Variants in FCN1 observed in about 807,000 individuals in gnomAD.
FCN1 encodes ficolin-1.
FCN1 carries 42 observed loss-of-function variants against 35.6 expected under a neutral mutation model. The ratio of observed to expected loss-of-function variants is 1.18; its 90% CI spans 0.92 to 1.53. The LOEUF (loss-of-function observed/expected upper bound fraction) is 1.53, where lower values mean the gene tolerates loss of function less well. Ranked by LOEUF, FCN1 falls within the 40% of genes most tolerant of loss-of-function variation. FCN1 has a pLI of 0.00. For missense variants in FCN1, 439 were observed against 428.4 expected, an observed-to-expected ratio of 1.02 and a Z score of -0.22; for synonymous variants, 179 against 169.8, an observed-to-expected ratio of 1.05 and a Z score of -0.42.
chr9:134,903,550 G>A lies in FCN1; in HGVS notation c.*6248C>T, dbSNP rs1243060930. ...GGAAAAGTCACAGAGGAAACTCTTA[G>A]AACTGAACTAAAATAGGTGAATTTT... On this transcript the variant is annotated 3_prime_UTR_variant, in exon 9 of 9. Coordinates refer to ENST00000371806, the MANE Select transcript of FCN1 (RefSeq NM_002003.5). Among the ~76,000 whole-genome samples, 4 of 151,990 alleles carry A rather than the reference G, an allele frequency of 2.6e-5. No individual in the cohort carries two copies. The highest frequency in any genetic ancestry group is 9.7e-5 in the African/African-American group (4 of 41,388).
In FCN1 at chr9:134,911,139, T is replaced by C; in HGVS notation, c.727A>G (p.Ser243Gly). 1 of 1,614,102 alleles carries C rather than the reference T, an allele frequency of 6.2e-7. No homozygotes were observed. The highest frequency in any genetic ancestry group is 8.5e-7 in the Non-Finnish European group (1 of 1,179,992). ...KLVLGAFVGG[S>G]AGNSLTGHNN... ...GCCCCAAGCAGACACTCACCCGCAC[T>C]GCCCCCGACAAAGGCTCCCAGTACC... The change falls in exon 8 of 9, where the codon AGT becomes GGT. Residue 243 changes from serine to glycine, a missense_variant. Ser to Gly is a moderately conservative substitution (Grantham distance 56). Coordinates refer to ENST00000371806, the MANE Select transcript of FCN1 (RefSeq NM_002003.5).
intron 5 of FCN1, 25 bp from the exon 6 acceptor site, chr9:134,913,168 CTGCAGGACGGGGGCCCTG>C (rs775242138): frequency 3.1e-4 from 494 of 1,612,764 alleles, no homozygotes; most frequent in Non-Finnish European, 4.0e-4. Context: ...CGGGGAATGG[CTGCAGGACGGGGGCCCTG>C]GGCAGGACAG....
At position 134,903,408 on chromosome 9, in the gene FCN1, G is replaced by A. The variant is rs942363459; in HGVS notation, c.*6390C>T. On this transcript the variant is annotated 3_prime_UTR_variant, in exon 9 of 9. Transcript: ENST00000371806. ...TTTAAAATAATTGAAATCATATTAA[G>A]TTTGTTCTCTGACCCTGATAGAGGT... 1.3e-5 allele frequency among the ~76,000 whole-genome samples: 2 copies of A among 152,206 alleles called. No homozygotes were observed. The highest frequency in any genetic ancestry group is 2.9e-5 in the Non-Finnish European group (2 of 67,982).
intron 7 of FCN1, 41 bp from the exon 8 acceptor site, chr9:134,911,308 T>TTCTG (rs771840869): frequency 6.2e-7 from 1 of 1,606,602 alleles, no homozygotes; most frequent in East Asian, 2.2e-5. Context: ...TTTAAGATCT[T>TTCTG]TCTGTCACCA....
At position 134,910,735 on chromosome 9, in the gene FCN1, C is replaced by T. The variant is rs78518757; in HGVS notation, c.733+398G>A. 5.3e-5 allele frequency among the ~76,000 whole-genome samples: 8 copies of T among 152,330 alleles called. No homozygotes were observed. In the East Asian group the frequency reaches 5.8e-4, roughly 11 times the overall value. Reference sequence around the variant, plus strand: ...GTGCACTGGGAATTCCCTAAGCAGACGCCCTGTAGGAAATGCCTCCCCAGA... The same window carrying T: ...GTGCACTGGGAATTCCCTAAGCAGATGCCCTGTAGGAAATGCCTCCCCAGA... On this transcript the variant is annotated intron_variant, in intron 8 of 8. Coordinates refer to ENST00000371806, the MANE Select transcript of FCN1 (RefSeq NM_002003.5).
rs1830923013 is a variant in FCN1 at position 134,904,955 on chromosome 9, C to A, written c.*4843G>T. Among the ~76,000 whole-genome samples the A allele has an allele frequency of 6.6e-6, 1 of 152,024 alleles. No homozygotes were observed. Among genetic ancestry groups the A allele is most frequent in the Non-Finnish European group, 1.5e-5 (1 of 68,000 alleles). On this transcript the variant is annotated 3_prime_UTR_variant, in exon 9 of 9. Transcript: ENST00000371806. Reference sequence around the variant, plus strand: ...CACAAAACAATACTAATAGCCATTTCTTGCAGGACTTTAAATAAATGTATC... The same window carrying A: ...CACAAAACAATACTAATAGCCATTTATTGCAGGACTTTAAATAAATGTATC...
intron 2 of FCN1, among the ~76,000 whole-genome samples, chr9:134,915,520 CCCTCAG>C (rs1831081568): frequency 6.6e-6 from 1 of 152,176 alleles, no homozygotes; most frequent in South Asian, 2.1e-4. Flanking sequence ...CCCCAGTGTT[CCCTCAG>C]CAGGGGATCG....
chr9:134,912,691 G>C (rs951945790), intron 6 of FCN1, 76 bp from the exon 7 acceptor site: 2 of 1,595,728 alleles, frequency 1.3e-6, no homozygotes, highest in Non-Finnish European at 1.7e-6. Context: ...CCCTCCAGAG[G>C]AGCAGCATTT....
intron 2 of FCN1, among the ~76,000 whole-genome samples, chr9:134,915,070 A>G (rs7869204): frequency 0.038 from 5,785 of 152,200 alleles, 363 homozygotes; most frequent in African/African-American, 0.13. Context: ...CCTTGGGAGC[A>G]ACCTGGGTTT....
At position 134,912,950 on chromosome 9, in the gene FCN1, A is replaced by T; in HGVS notation, c.468+66T>A. ...TAGAGAATTCCAGAGTGTGTTCTACAACCAGGTGTGCAGCCTGGCCTCCGG... is the reference window on the plus strand; with the variant it reads ...TAGAGAATTCCAGAGTGTGTTCTACTACCAGGTGTGCAGCCTGGCCTCCGG... On this transcript the variant is annotated intron_variant, in intron 6 of 8. Coordinates refer to ENST00000371806, the MANE Select transcript of FCN1 (RefSeq NM_002003.5). 3.2e-6 allele frequency: 5 copies of T among 1,577,482 alleles called. No individual in the cohort carries two copies. In the South Asian group the frequency reaches 5.7e-5, roughly 18 times the overall value.
Position 134,916,468 on chromosome 9 carries a change from A to G in FCN1, c.104-7T>C, listed in dbSNP as rs1267927255. Reference sequence around the variant, plus strand: ...AGGCCCACCACCTTCACCTCTGCAGAGAAACACAGGTGCCCACTCAGTGCC... The same window carrying G: ...AGGCCCACCACCTTCACCTCTGCAGGGAAACACAGGTGCCCACTCAGTGCC... On this transcript the variant is annotated splice_region_variant and splice_polypyrimidine_tract_variant and intron_variant, in intron 1 of 8. Transcript: ENST00000371806. The G allele has an allele frequency of 1.9e-6, 3 of 1,613,030 alleles. No individual in the cohort carries two copies. The highest frequency in any genetic ancestry group is 3.3e-5 in the Admixed American group (2 of 60,026).
chr9:134,916,358 A>G lies in FCN1; in HGVS notation c.207T>C (p.Ile69=), dbSNP rs753946128. The G allele has an allele frequency of 6.2e-7, 1 of 1,613,498 alleles. No homozygotes were observed. The highest frequency in any genetic ancestry group is 2.2e-5 in the East Asian group (1 of 44,864). ...APGPKGEAGV[I]GERGERGLPG... ...CCGGCCCGCACCTACCTCTCTCTCC[A>G]ATGACACCTGCCTCTCCCTTTGGCC... is the stretch of plus-strand genomic sequence containing the variant. Residue 69 remains isoleucine, a synonymous_variant, in exon 2 of 9, where the codon ATT becomes ATC. Transcript: ENST00000371806.
chr9:134,909,352 G>C lies in FCN1; in HGVS notation c.*446C>G. ...AAGTGTTGTGAGTGAGGCATGGGGG[G>C]ATGGGGGAGGCTTGGGGGTGGAGGT... is the stretch of plus-strand genomic sequence containing the variant. On this transcript the variant is annotated 3_prime_UTR_variant, in exon 9 of 9. Transcript: ENST00000371806. 1 of 1,286,530 alleles carries C rather than the reference G, an allele frequency of 7.8e-7. No individual in the cohort carries two copies. The highest frequency in any genetic ancestry group is 1.0e-6 in the Non-Finnish European group (1 of 986,074). 79.7% of individuals were successfully genotyped at this position (1,286,530 alleles called of 1,614,324 possible).
chr9:134,910,123 T>A, intron 8 of FCN1, 78 bp from the exon 9 acceptor site: 3 of 1,333,574 alleles, frequency 2.2e-6, no homozygotes, highest in Non-Finnish European at 3.2e-6. Context: ...ATCCTGCCTC[T>A]GAGCAGAGCC....
chr9:134,917,857 T>C lies in FCN1; in HGVS notation c.15A>G (p.Gly5=). ...CAGCGAGCCCCCGGGCCATGGTGGC[T>C]CCACTCAGCTCCATGCTCTCTGGCC... MELS[G]ATMARGLAVL... is the part of the protein sequence containing the mutation. Residue 5 remains glycine, a synonymous_variant, in exon 1 of 9, where the codon GGA becomes GGG. Coordinates refer to ENST00000371806, the MANE Select transcript of FCN1 (RefSeq NM_002003.5). 1.2e-6 allele frequency: 2 copies of C among 1,612,742 alleles called. No homozygotes were observed. Among genetic ancestry groups the C allele is most frequent in the Non-Finnish European group, 1.7e-6 (2 of 1,178,912 alleles).
intron 7 of FCN1, among the ~76,000 whole-genome samples, chr9:134,911,902 G>A (rs956885071): frequency 2.6e-5 from 4 of 152,240 alleles, no homozygotes; most frequent in African/African-American, 4.8e-5. Context: ...AGCAGTGGGC[G>A]AAGCTCTAAT....
chr9:134,912,248 T>C (rs1018457364), intron 7 of FCN1, among the ~76,000 whole-genome samples: 9 of 152,160 alleles, frequency 5.9e-5, no homozygotes, highest in African/African-American at 2.2e-4. Context: ...GGATCTAAGA[T>C]GCCAGTAGGA....
rs1830955390 is a variant in FCN1 at position 134,906,100 on chromosome 9, C to A, written c.*3698G>T. 1 of 152,292 alleles carries A rather than the reference C, an allele frequency of 6.6e-6. No homozygotes were observed. Among genetic ancestry groups the A allele is most frequent in the Admixed American group, 6.6e-5 (1 of 15,170 alleles). 9.4% of individuals were successfully genotyped at this position (152,292 alleles called of 1,614,324 possible). On this transcript the variant is annotated 3_prime_UTR_variant, in exon 9 of 9. Transcript: ENST00000371806. ...TCCACCTCCCGGGATCAAGCGATTT[C>A]TGGCGGAGTTTTGTATTTTTAGTAG...
chr9:134,916,859 T>C (rs372232283), intron 1 of FCN1, among the ~76,000 whole-genome samples: 1 of 152,222 alleles, frequency 6.6e-6, no homozygotes, highest in African/African-American at 2.4e-5. Flanking sequence ...ACTTGGGGAA[T>C]TGGGGCTGAC....
Sources: gnomAD v4.1 joint callset for allele counts (sites outside exome capture counted in the v4.1 genomes callset) on GRCh38, gnomAD v4.1.1 for gene constraint, MANE v1.5 for transcripts, NCBI Gene and HGNC (gene_info 2026-07-23, HGNC 2026-07-21) for gene names.